TRIM71: variants seen among roughly 807,000 people sequenced by gnomAD.
The protein encoded by TRIM71 is E3 ubiquitin-protein ligase TRIM71.
TRIM71 carries 9 observed loss-of-function variants against 61.2 expected under a neutral mutation model. That is an observed-to-expected ratio of 0.15 (90% CI 0.09 to 0.26). The LOEUF (loss-of-function observed/expected upper bound fraction) is 0.26, where lower values mean the gene tolerates loss of function less well. TRIM71 is among the 10% of genes least tolerant of loss of function. The pLI, the probability that TRIM71 is intolerant of heterozygous loss-of-function variation, is 1.00. For synonymous variants in TRIM71, 645 were observed against 553.2 expected (o/e 1.17, Z -2.33); for missense variants, 998 against 1,238.7 (o/e 0.81, Z 2.92).
intron 1 of TRIM71, among the ~76,000 whole-genome samples, chr3:32,824,899 A>G (rs1216155438): frequency 1.3e-5 from 2 of 151,968 alleles, no homozygotes; most frequent in Admixed American, 6.6e-5. Flanking sequence ...GGTTCAAGCA[A>G]TTCTTCAGCC....
chr3:32,843,646 TCCCCGG>T (rs1696436528), intron 1 of TRIM71, among the ~76,000 whole-genome samples: 1 of 152,192 alleles, frequency 6.6e-6, no homozygotes, highest in Admixed American at 6.5e-5. Context: ...TGTTTAATCT[TCCCCGG>T]GAAGCAGGCT....
intron 2 of TRIM71, among the ~76,000 whole-genome samples, chr3:32,878,143 T>C (rs1696869811): frequency 6.6e-6 from 1 of 152,272 alleles, no homozygotes; most frequent in South Asian, 2.1e-4. Flanking sequence ...AACTACTTCT[T>C]GATCCACGGG....
rs2125691142 is a variant in TRIM71 at position 32,882,197 on chromosome 3, A to G, written c.1021-3737A>G. 2.0e-5 allele frequency among the ~76,000 whole-genome samples: 3 copies of G among 151,932 alleles called. No homozygotes were observed. The Middle Eastern group carries it at 0.01, about 517-fold the overall frequency. On this transcript the variant is annotated intron_variant, in intron 2 of 3. Transcript: ENST00000383763. ...GCTGGGTCTTTTTTTTTCTTCTAAC[A>G]TATGATAGAAGTTAGATGTAAAAAA...
At chr3:32,850,210 A>G (rs529436963) in intron 1 of TRIM71, among the ~76,000 whole-genome samples, 3 of 152,276 alleles carry the variant, frequency 2.0e-5, no homozygotes, top group South Asian at 2.1e-4. Context: ...AGGGTTTTCT[A>G]TAGGAGGATG....
Position 32,894,496 on chromosome 3 carries a change from A to T in TRIM71, c.*2685A>T, listed in dbSNP as rs1350264156. The T allele has an allele frequency of 1.3e-5, 2 of 152,206 alleles. No individual in the cohort carries two copies. Among genetic ancestry groups the T allele is most frequent in the African/African-American group, 4.8e-5 (2 of 41,452 alleles). 9.4% of individuals were successfully genotyped at this position (152,206 alleles called of 1,614,324 possible). ...AGCAACTAGAACTATCCCCTGAAATAGGTGTGTAGGTCAGAGATACTACCT... is the reference window on the plus strand; with the variant it reads ...AGCAACTAGAACTATCCCCTGAAATTGGTGTGTAGGTCAGAGATACTACCT... On this transcript the variant is annotated 3_prime_UTR_variant, in exon 4 of 4. Coordinates refer to ENST00000383763, the MANE Select transcript of TRIM71 (RefSeq NM_001039111.3).
chr3:32,832,809 C>T (rs1356882952), intron 1 of TRIM71, among the ~76,000 whole-genome samples: 1 of 151,998 alleles, frequency 6.6e-6, no homozygotes, highest in South Asian at 2.1e-4. Flanking sequence ...AGGGGGTGGA[C>T]GATTGATAAC....
intron 1 of TRIM71, among the ~76,000 whole-genome samples, chr3:32,867,378 T>A (rs1696749601): frequency 6.6e-6 from 1 of 152,198 alleles, no homozygotes. Context: ...AAATGATTGA[T>A]CATTTTCACA....
Position 32,894,982 on chromosome 3 carries a change from A to G in TRIM71, c.*3171A>G, listed in dbSNP as rs192442892. 4 of 152,340 alleles carry G rather than the reference A, an allele frequency of 2.6e-5. No homozygotes were observed. Among genetic ancestry groups the G allele is most frequent in the African/African-American group, 9.6e-5 (4 of 41,564 alleles). The allele number at this position is 152,340 out of a possible 1,614,324, so 9.4% of individuals were successfully genotyped here. Reference sequence around the variant, plus strand: ...GGAGGTCTGATCTGGTCAGGTGGCAAGGGTTGGGTGGGGTATGATGTAAGC... The same window carrying G: ...GGAGGTCTGATCTGGTCAGGTGGCAGGGGTTGGGTGGGGTATGATGTAAGC... On this transcript the variant is annotated 3_prime_UTR_variant, in exon 4 of 4. Coordinates refer to ENST00000383763, the MANE Select transcript of TRIM71 (RefSeq NM_001039111.3).
rs768082697 is a variant in TRIM71, at chr3:32,890,632, C to T, written c.1428C>T (p.Gly476=). 11 of 1,613,808 alleles carry T rather than the reference C, an allele frequency of 6.8e-6. No individual in the cohort carries two copies. Among genetic ancestry groups the T allele is most frequent in the African/African-American group, 4.0e-5 (3 of 74,940 alleles). ...QALYLAIKSF[G]FVSSGAFAPL... Reference sequence around the variant, plus strand: ...TGTACCTTGCCATCAAGTCTTTTGGCTTTGTTAGCAGCGGGGCCTTTGCCC... The same window carrying T: ...TGTACCTTGCCATCAAGTCTTTTGGTTTTGTTAGCAGCGGGGCCTTTGCCC... The change falls in exon 4 of 4, where the codon GGC becomes GGT. Residue 476 remains glycine (G), a synonymous_variant. Transcript: ENST00000383763. The surrounding 1 kb of genome is among the most constrained non-coding windows in gnomAD (Gnocchi z 6.2).
chr3:32,886,528 C>T (rs2125692337), intron 3 of TRIM71, among the ~76,000 whole-genome samples: 1 of 152,128 alleles, frequency 6.6e-6, no homozygotes, highest in South Asian at 2.1e-4. Context: ...GCCGAGCACA[C>T]TAGTGTGCTG....
intron 2 of TRIM71, among the ~76,000 whole-genome samples, chr3:32,875,553 T>C (rs980994298): frequency 6.6e-6 from 1 of 152,218 alleles, no homozygotes; most frequent in Non-Finnish European, 1.5e-5. Flanking sequence ...AAAAGTAAGA[T>C]TCTGGCCAGG....
At position 32,895,461 on chromosome 3, in the gene TRIM71, T is replaced by G. The variant is rs557339210; in HGVS notation, c.*3650T>G. ...TTTGAGGAGGAAAGTCTTTTAGGCT[T>G]GAAGCAGCAAAATACTGTTTATATA... On this transcript the variant is annotated 3_prime_UTR_variant, in exon 4 of 4. Coordinates refer to ENST00000383763, the MANE Select transcript of TRIM71 (RefSeq NM_001039111.3). 6.6e-6 allele frequency: 1 copy of G among 152,346 alleles called. No homozygotes were observed. Among genetic ancestry groups the G allele is most frequent in the South Asian group, 2.1e-4 (1 of 4,824 alleles). 9.4% of individuals were successfully genotyped at this position (152,346 alleles called of 1,614,324 possible). A position where few individuals can be genotyped will look rare whatever the true frequency, so the allele number is the denominator to read the frequency against.
chr3:32,836,642 C>T (rs1056970915), intron 1 of TRIM71, among the ~76,000 whole-genome samples: 2 of 152,290 alleles, frequency 1.3e-5, no homozygotes, highest in Non-Finnish European at 2.9e-5. Flanking sequence ...AATAACGAGC[C>T]TAATGTTCTG....
At position 32,873,888 on chromosome 3, in the gene TRIM71, G is replaced by C. The variant is rs868533477; in HGVS notation, c.923G>C (p.Gly308Ala). ...CRECTMGRHGGHSFIYLQEAL... is the reference protein window; with the variant it reads ...CRECTMGRHGAHSFIYLQEAL... ...GAGTGCACAATGGGCCGGCATGGGG[G>C]CCACAGCTTCATCTACCTCCAGGAG... The change falls in exon 2 of 4, where the codon GGC (glycine) becomes GCC (alanine). Residue 308 changes from glycine (G) to alanine (A), a missense_variant. Around this residue, in one of 5 missense-constraint regions of TRIM71, gnomAD observed 291 missense variants for 431.2 expected, o/e 0.67. Coordinates refer to ENST00000383763, the MANE Select transcript of TRIM71 (RefSeq NM_001039111.3). 2 of 1,613,948 alleles carry C rather than the reference G, an allele frequency of 1.2e-6. No homozygotes were observed. Among genetic ancestry groups the C allele is most frequent in the South Asian group, 2.2e-5 (2 of 91,056 alleles).
At chr3:32,854,039 G>A (rs1167060667) in intron 1 of TRIM71, among the ~76,000 whole-genome samples, 1 of 151,856 alleles carries the variant, frequency 6.6e-6, no homozygotes, top group African/African-American at 2.4e-5. Flanking sequence ...TCTTGGTGTT[G>A]GCCCCTTTGG....
At position 32,829,848 on chromosome 3, in the gene TRIM71, CAT is replaced by C. The variant is rs770828543; in HGVS notation, c.852+10917_852+10918del. 2.6e-4 allele frequency among the ~76,000 whole-genome samples: 39 copies of C among 151,584 alleles called. No homozygotes were observed. The South Asian group carries it at 6.5e-3, about 25-fold the overall frequency. ...CACATTGCTATTTATGTGACAGTAACATGTGTTATTGACAAGTGTAGCTTTTT... is the reference window on the plus strand; with the variant it reads ...CACATTGCTATTTATGTGACAGTAACGTGTTATTGACAAGTGTAGCTTTTT... On this transcript the variant is annotated intron_variant, in intron 1 of 3. Coordinates refer to ENST00000383763, the MANE Select transcript of TRIM71 (RefSeq NM_001039111.3).
At chr3:32,863,863 G>A (rs1251008377) in intron 1 of TRIM71, among the ~76,000 whole-genome samples, 1 of 151,964 alleles carries the variant, frequency 6.6e-6, no homozygotes, top group Non-Finnish European at 1.5e-5. Flanking sequence ...TGTATTTTTA[G>A]TAGAGATGGG....
At chr3:32,841,972 G>A (rs1260982579) in intron 1 of TRIM71, among the ~76,000 whole-genome samples, 1 of 152,056 alleles carries the variant, frequency 6.6e-6, no homozygotes, top group Non-Finnish European at 1.5e-5. Flanking sequence ...TGGAACTCAC[G>A]CCATACACCT....
At chr3:32,839,418 T>TA (rs1013359524) in intron 1 of TRIM71, among the ~76,000 whole-genome samples, 3 of 151,660 alleles carry the variant, frequency 2.0e-5, no homozygotes, top group Non-Finnish European at 2.9e-5. Context: ...TTTAGTTAGA[T>TA]ACAGGGTTTC....
Sources: allele counts gnomAD v4.1 joint callset (sites outside exome capture counted in the v4.1 genomes callset), GRCh38; gene constraint gnomAD v4.1.1; regional missense constraint gnomAD v4.1.1; non-coding constraint Gnocchi (gnomAD v3.1); transcripts MANE v1.5; gene names NCBI Gene and HGNC (gene_info 2026-07-23, HGNC 2026-07-21).